The following PPP1R2 variants were observed in gnomAD, a reference collection of about 807,000 sequenced individuals.
The protein encoded by PPP1R2 is protein phosphatase inhibitor 2.
A neutral mutation model predicts 29.9 loss-of-function variants in PPP1R2; 16 were observed. That is an observed-to-expected ratio of 0.53 (90% CI 0.36 to 0.81). The LOEUF is 0.81. Ranked by LOEUF, PPP1R2 falls within the 30% of genes least tolerant of loss-of-function variation. The pLI is 0.00. For synonymous variants in PPP1R2, 76 were observed against 91.5 expected, an observed-to-expected ratio of 0.83 and a Z score of 0.96; for missense variants, 197 against 252.7, an observed-to-expected ratio of 0.78 and a Z score of 1.49.
chr3:195,534,055 C>T (rs1237582290), intron 1 of PPP1R2, among the ~76,000 whole-genome samples: 1 of 152,182 alleles, frequency 6.6e-6, no homozygotes, highest in Non-Finnish European at 1.5e-5. Context: ...ATGGCTCACA[C>T]CTGTAATCCC....
chr3:195,524,339 T>TA (rs775205932), intron 3 of PPP1R2, among the ~76,000 whole-genome samples: 1 of 152,160 alleles, frequency 6.6e-6, no homozygotes, highest in African/African-American at 2.4e-5. Context: ...CTGGCCAATA[T>TA]GGCAAAACAC....
chr3:195,519,112 T>C lies in PPP1R2; in HGVS notation c.477A>G (p.Gln159=). The C allele has an allele frequency of 1.9e-6, 3 of 1,612,994 alleles. No individual in the cohort carries two copies. The African/African-American group carries it at 4.0e-5, about 22-fold the overall frequency. Residue 159 remains glutamine (Q), a synonymous_variant, in exon 5 of 6, where the codon CAA becomes CAG. Coordinates refer to ENST00000618156, the MANE Select transcript of PPP1R2 (RefSeq NM_006241.8). The part of the protein sequence containing the change: ...NEGLNIKLAR[Q]LISKDLHDDD... ...CATCATGTAGGTCTTTTGAAATTAA[T>C]TGTCTGGCTAGTTTGATATTGAGTC...
intron 5 of PPP1R2, among the ~76,000 whole-genome samples, chr3:195,517,685 G>A (rs1413686112): frequency 2.6e-5 from 4 of 151,862 alleles, no homozygotes; most frequent in South Asian, 2.1e-4. Flanking sequence ...AAGAAATGGC[G>A]TTAAAACAAA....
chr3:195,527,867 A>T, intron 2 of PPP1R2: 1 of 371,482 alleles, frequency 2.7e-6, no homozygotes, highest in Non-Finnish European at 5.1e-6. Context: ...CAGATCTTGT[A>T]TCTTTTTTTT....
chr3:195,529,126 T>TC (rs1414590475), intron 2 of PPP1R2: 1 of 151,972 alleles, frequency 6.6e-6, no homozygotes. Flanking sequence ...CACTTTGGCC[T>TC]CCCAAGGTGC....
At position 195,542,998 on chromosome 3, in the gene PPP1R2, G is replaced by A. The variant is rs752830677; in HGVS notation, c.28C>T (p.Pro10Ser). ...TTGTTCTTCAAGATCCCCTTGATGG[G>A]CCGGTGCGAGGCCGTCGAGGCCGCC... is the stretch of plus-strand genomic sequence containing the variant. MAASTASHR[P>S]IKGILKNKTS... is the part of the protein sequence containing the mutation. The change falls in exon 1 of 6, where the codon CCC becomes TCC. Residue 10 changes from proline (P) to serine (S), a missense_variant. By Grantham distance (74) the Pro-to-Ser change is moderately conservative. Around this residue, in one of 3 missense-constraint regions of PPP1R2, gnomAD observed 54 missense variants for 60.6 expected, o/e 0.89. Coordinates refer to ENST00000618156, the MANE Select transcript of PPP1R2 (RefSeq NM_006241.8). 1.2e-6 allele frequency: 2 copies of A among 1,601,516 alleles called. No individual in the cohort carries two copies. The highest frequency in any genetic ancestry group is 2.2e-5 in the South Asian group (2 of 89,014).
Position 195,524,840 on chromosome 3 carries a change from G to A in PPP1R2, c.287C>T (p.Ala96Val). The change falls in exon 3 of 6, where the codon GCG becomes GTG. Residue 96 changes from alanine (A) to valine (V), a missense_variant. Around this residue, in one of 3 missense-constraint regions of PPP1R2, gnomAD observed 135 missense variants for 163.0 expected, o/e 0.83. Coordinates refer to ENST00000618156, the MANE Select transcript of PPP1R2 (RefSeq NM_006241.8). ...CSDTEATEAM[A>V]PDILARKLAA... ...TTACTTCCTGGCTAAGATGTCTGGC[G>A]CCATGGCTTCAGTGGCCTCGGTGTC... 1.2e-6 allele frequency: 2 copies of A among 1,614,040 alleles called. No homozygotes were observed. The highest frequency in any genetic ancestry group is 1.7e-6 in the Non-Finnish European group (2 of 1,179,992).
chr3:195,536,909 G>A (rs114880369), intron 1 of PPP1R2, among the ~76,000 whole-genome samples: 3,768 of 151,350 alleles, frequency 0.025, 161 homozygotes, highest in African/African-American at 0.087. Context: ...AAGAAAGAAC[G>A]CCACATCCTG....
rs1415324461 is a variant in PPP1R2, at chr3:195,543,292, G to C, written c.-267C>G. On this transcript the variant is annotated 5_prime_UTR_variant, in exon 1 of 6. Transcript: ENST00000618156. ...CGGCTCGCGGAGAGACGCCGGCCTA[G>C]AGCTCCAGCGCAGGAGCGACGCGAC... 3.0e-6 allele frequency: 1 copy of C among 334,100 alleles called. No individual in the cohort carries two copies. The highest frequency in any genetic ancestry group is 5.5e-6 in the Non-Finnish European group (1 of 182,844). The allele number at this position is 334,100 out of a possible 1,614,324, so 20.7% of individuals were successfully genotyped here. A position where few individuals can be genotyped will look rare whatever the true frequency, so the allele number is the denominator to read the frequency against.
At chr3:195,521,314 CAAAAAAAAAAAAAA>C (rs869228346) in intron 4 of PPP1R2, among the ~76,000 whole-genome samples, 4 of 56,676 alleles carry the variant, frequency 7.1e-5, no homozygotes, top group Non-Finnish European at 1.2e-4. Flanking sequence ...GACTCTGTCT[CAAAAAAAAAAAAAA>C]AAAAAAAAAA....
intron 3 of PPP1R2, 117 bp downstream of exon 3, chr3:195,524,702 A>C (rs1170634335): frequency 2.0e-5 from 18 of 918,966 alleles, no homozygotes; most frequent in Non-Finnish European, 2.9e-5. Flanking sequence ...GGCATAAAAC[A>C]TGTTGATCAA....
chr3:195,534,271 C>A (rs1719291670), intron 1 of PPP1R2, among the ~76,000 whole-genome samples: 1 of 152,120 alleles, frequency 6.6e-6, no homozygotes, highest in African/African-American at 2.4e-5. Flanking sequence ...CTGCAGTGAG[C>A]CATCTGCAAT....
At chr3:195,540,174 A>C (rs537368253) in intron 1 of PPP1R2, among the ~76,000 whole-genome samples, 2 of 152,348 alleles carry the variant, frequency 1.3e-5, no homozygotes, top group South Asian at 2.1e-4. Context: ...TTGCTCACAG[A>C]CAGCCACAGA....
In PPP1R2 at chr3:195,543,193, C is replaced by A; in HGVS notation, c.-168G>T. The A allele has an allele frequency of 1.1e-6, 1 of 889,610 alleles. No homozygotes were observed. Among genetic ancestry groups the A allele is most frequent in the Non-Finnish European group, 1.6e-6 (1 of 622,280 alleles). The allele number at this position is 889,610 out of a possible 1,614,324, so 55.1% of individuals were successfully genotyped here. A position where few individuals can be genotyped will look rare whatever the true frequency, so the allele number is the denominator to read the frequency against. On this transcript the variant is annotated 5_prime_UTR_variant, in exon 1 of 6. Coordinates refer to ENST00000618156, the MANE Select transcript of PPP1R2 (RefSeq NM_006241.8). ...TACCGCAGCGGTTGTCACGACACAA[C>A]GACCCCGACGCCAGAGCCAACGCCG...
rs1199697092 is a variant in PPP1R2, at chr3:195,515,669, A to ATGT, written c.*1224_*1226dup. ...CCCTTAAAGCAGGGACTATTTAACA[A>ATGT]TGTCCAGGCTTACTTCTGTCTGTAC... is the stretch of plus-strand genomic sequence containing the variant. On this transcript the variant is annotated 3_prime_UTR_variant, in exon 6 of 6. Transcript: ENST00000618156. 1 of 152,136 alleles carries ATGT rather than the reference A, an allele frequency of 6.6e-6. No individual in the cohort carries two copies. The highest frequency in any genetic ancestry group is 1.5e-5 in the Non-Finnish European group (1 of 67,974). 9.4% of individuals were successfully genotyped at this position (152,136 alleles called of 1,614,324 possible).
Position 195,515,026 on chromosome 3 carries a change from GTA to G in PPP1R2, c.*1868_*1869del. 3.8e-6 allele frequency: 1 copy of G among 260,094 alleles called. No individual in the cohort carries two copies. Among genetic ancestry groups the G allele is most frequent in the Admixed American group, 5.0e-5 (1 of 19,836 alleles). The allele number at this position is 260,094 out of a possible 1,614,324, so 16.1% of individuals were successfully genotyped here. On this transcript the variant is annotated 3_prime_UTR_variant, in exon 6 of 6. Coordinates refer to ENST00000618156, the MANE Select transcript of PPP1R2 (RefSeq NM_006241.8). ...CTACTTCTACAAAAAAAAAAAAAGA[GTA>G]TGTGGGTACTTTCTAAGAACTCAGA... is the stretch of plus-strand genomic sequence containing the variant.
At chr3:195,535,524 T>C (rs552451393) in intron 1 of PPP1R2, among the ~76,000 whole-genome samples, 70 of 152,302 alleles carry the variant, frequency 4.6e-4, no homozygotes, top group Admixed American at 3.1e-3. Flanking sequence ...ACTAATGAGA[T>C]TGTGGATTAT....
Position 195,519,318 on chromosome 3 carries a change from A to G in PPP1R2, c.404-133T>C, listed in dbSNP as rs545346164. On this transcript the variant is annotated intron_variant, in intron 4 of 5. Transcript: ENST00000618156. ...ATGCTTAAGGCTGCTTTTGTGTTCA[A>G]TGGCAGAGTTGAGTAGTTCGTAATA... 1.2e-4 allele frequency: 82 copies of G among 684,994 alleles called. No individual in the cohort carries two copies. In the South Asian group the frequency reaches 1.4e-3, roughly 12 times the overall value. The allele number at this position is 684,994 out of a possible 1,614,324, so 42.4% of individuals were successfully genotyped here. A position where few individuals can be genotyped will look rare whatever the true frequency, so the allele number is the denominator to read the frequency against.
At position 195,543,273 on chromosome 3, in the gene PPP1R2, G is replaced by A; in HGVS notation, c.-248C>T. 2 of 385,756 alleles carry A rather than the reference G, an allele frequency of 5.2e-6. No homozygotes were observed. The highest frequency in any genetic ancestry group is 4.7e-5 in the South Asian group (1 of 21,132). 23.9% of individuals were successfully genotyped at this position (385,756 alleles called of 1,614,324 possible). On this transcript the variant is annotated 5_prime_UTR_variant, in exon 1 of 6. Coordinates refer to ENST00000618156, the MANE Select transcript of PPP1R2 (RefSeq NM_006241.8). ...GCCACTGGCACTTGACCCGCGGCTCGCGGAGAGACGCCGGCCTAGAGCTCC... is the reference window on the plus strand; with the variant it reads ...GCCACTGGCACTTGACCCGCGGCTCACGGAGAGACGCCGGCCTAGAGCTCC...
Sources: gnomAD v4.1 joint callset for allele counts (sites outside exome capture counted in the v4.1 genomes callset) on GRCh38, gnomAD v4.1.1 for gene constraint, gnomAD v4.1.1 regional missense constraint, MANE v1.5 for transcripts, NCBI Gene and HGNC (gene_info 2026-07-23, HGNC 2026-07-21) for gene names.